DLG2: variants seen among roughly 807,000 people sequenced by gnomAD.
DLG2 encodes discs large MAGUK scaffold protein 2.
A neutral mutation model predicts 132.5 loss-of-function variants in DLG2; 45 were observed. The ratio of observed to expected loss-of-function variants is 0.34; its 90% confidence interval spans 0.27 to 0.44. The LOEUF is 0.44. Ranked by LOEUF, DLG2 falls within the 20% of genes least tolerant of loss-of-function variation. DLG2 has a pLI of 1.00. For synonymous variants in DLG2, 424 were observed against 419.6 expected, an observed-to-expected ratio of 1.01 and a Z score of -0.13; for missense variants, 1,045 against 1,196.9, an observed-to-expected ratio of 0.87 and a Z score of 1.87.
At chr11:84,228,036 A>G (rs1201183407) in intron 8 of DLG2, among the ~76,000 whole-genome samples, 1 of 152,060 alleles carries the variant, frequency 6.6e-6, no homozygotes, top group East Asian at 1.9e-4. Flanking sequence ...CTGGTGTTAG[A>G]TATATTTAAA....
intron 7 of DLG2, among the ~76,000 whole-genome samples, chr11:84,388,062 G>A (rs1356229633): frequency 6.6e-6 from 1 of 152,046 alleles, no homozygotes; most frequent in Non-Finnish European, 1.5e-5. Flanking sequence ...CTATCTTCTT[G>A]TTGTTCTACA....
intron 3 of DLG2, among the ~76,000 whole-genome samples, chr11:85,498,435 C>A (rs1210302754): frequency 6.6e-6 from 1 of 152,120 alleles, no homozygotes; most frequent in Non-Finnish European, 1.5e-5. Context: ...TAAAGCAAGT[C>A]CTGAGAGACC....
At chr11:84,503,217 T>A (rs1210444557) in intron 7 of DLG2, among the ~76,000 whole-genome samples, 4 of 152,188 alleles carry the variant, frequency 2.6e-5, no homozygotes, top group Non-Finnish European at 2.9e-5. Flanking sequence ...AAGAAAACGC[T>A]CGAAGATAAG....
At chr11:85,499,528 T>G (rs756180755) in intron 3 of DLG2, among the ~76,000 whole-genome samples, 43 of 152,232 alleles carry the variant, frequency 2.8e-4, no homozygotes, top group Admixed American at 1.2e-3. Flanking sequence ...AAAGAGGAAC[T>G]GGTACCATTC....
intron 9 of DLG2, among the ~76,000 whole-genome samples, chr11:84,157,274 T>C (rs1390122856): frequency 2.6e-5 from 4 of 152,168 alleles, no homozygotes; most frequent in Admixed American, 2.0e-4. Flanking sequence ...AAATATTAAA[T>C]ACAAAGGTAC....
intron 7 of DLG2, among the ~76,000 whole-genome samples, chr11:84,468,318 G>C (rs561492969): frequency 6.6e-6 from 1 of 151,480 alleles, no homozygotes; most frequent in East Asian, 2.0e-4. Flanking sequence ...GTGTTAATTG[G>C]ATCTTGTTGG....
At chr11:85,209,229 C>T (rs1005342960) in intron 4 of DLG2, among the ~76,000 whole-genome samples, 3 of 152,096 alleles carry the variant, frequency 2.0e-5, no homozygotes, top group Non-Finnish European at 2.9e-5. Flanking sequence ...GCACTGAATA[C>T]AAATACTTAG....
intron 6 of DLG2, among the ~76,000 whole-genome samples, chr11:84,738,276 T>C (rs2064132529): frequency 6.6e-6 from 1 of 152,058 alleles, no homozygotes; most frequent in Non-Finnish European, 1.5e-5. Flanking sequence ...TTTTTCTTAG[T>C]AGCTACTCTG....
In DLG2 at chr11:85,543,497, T is replaced by G. The variant is rs11821065; in HGVS notation, c.40+55160A>C. Among the ~76,000 whole-genome samples, 1,401 of 152,354 alleles carry G rather than the reference T, an allele frequency of 9.2e-3. 19 individuals are homozygous for G. The highest frequency in any genetic ancestry group is 0.03 in the African/African-American group (1,251 of 41,584). ...AATGATTTATAATCCTTTGGGTATA[T>G]ACCCAATAATGGGATTGTCGGGTCA... On this transcript the variant is annotated intron_variant, in intron 3 of 27. Coordinates refer to ENST00000376104, the MANE Select transcript of DLG2 (RefSeq NM_001142699.3).
chr11:84,661,848 A>T (rs893324179), intron 6 of DLG2, among the ~76,000 whole-genome samples: 2 of 152,158 alleles, frequency 1.3e-5, no homozygotes, highest in Non-Finnish European at 2.9e-5. Context: ...ATGTTTATAT[A>T]TTGACCACGT....
chr11:85,023,201 G>A (rs563329900), intron 6 of DLG2, among the ~76,000 whole-genome samples: 3 of 151,912 alleles, frequency 2.0e-5, no homozygotes, highest in Non-Finnish European at 1.5e-5. Context: ...AAAAATCTTA[G>A]AATGAGGTAA....
chr11:84,310,435 T>G (rs1285325812), intron 7 of DLG2, among the ~76,000 whole-genome samples: 1 of 152,220 alleles, frequency 6.6e-6, no homozygotes, highest in African/African-American at 2.4e-5. Context: ...TCTCACACAT[T>G]GTGAACATGG....
At position 84,576,322 on chromosome 11, in the gene DLG2, A is replaced by G. The variant is rs533647495; in HGVS notation, c.358-41591T>C. On this transcript the variant is annotated intron_variant, in intron 6 of 27. Transcript: ENST00000376104. ...TCTACCTATCTGTATCTATTTATCA[A>G]TCTTTCTCTATAAAGAATGAATGAA... is the stretch of plus-strand genomic sequence containing the variant. Among the ~76,000 whole-genome samples the G allele has an allele frequency of 9.8e-5, 15 of 152,298 alleles. No individual in the cohort carries two copies. The South Asian group carries it at 2.1e-3, about 21-fold the overall frequency.
intron 14 of DLG2, among the ~76,000 whole-genome samples, chr11:83,953,932 T>G (rs905205912): frequency 3.9e-5 from 6 of 152,126 alleles, no homozygotes; most frequent in African/African-American, 1.4e-4. Flanking sequence ...ATCAATGAAC[T>G]AAAGAATGAA....
intron 6 of DLG2, among the ~76,000 whole-genome samples, chr11:84,669,963 A>C (rs1436475875): frequency 1.3e-5 from 2 of 152,174 alleles, no homozygotes; most frequent in African/African-American, 4.8e-5. Flanking sequence ...ATACAAAGGC[A>C]CTGAGGTGCA....
At chr11:84,244,482 C>A (rs2097276495) in intron 8 of DLG2, among the ~76,000 whole-genome samples, 1 of 152,158 alleles carries the variant, frequency 6.6e-6, no homozygotes, top group African/African-American at 2.4e-5. Context: ...CCACCTCTTG[C>A]TTATAAAGCA....
At chr11:84,658,695 GCT>G (rs927154193) in intron 6 of DLG2, among the ~76,000 whole-genome samples, 28 of 152,046 alleles carry the variant, frequency 1.8e-4, no homozygotes, top group Admixed American at 1.2e-3. Flanking sequence ...CCTCTCTCTT[GCT>G]CTCTCTCTGG....
At chr11:85,323,502 G>A (rs973332309) in intron 3 of DLG2, among the ~76,000 whole-genome samples, 3 of 152,108 alleles carry the variant, frequency 2.0e-5, no homozygotes, top group Non-Finnish European at 4.4e-5. Flanking sequence ...TTTGTGTTGG[G>A]AACATTCCAA....
intron 3 of DLG2, among the ~76,000 whole-genome samples, chr11:85,495,829 C>T (rs759664236): frequency 1.3e-5 from 2 of 152,132 alleles, no homozygotes; most frequent in Non-Finnish European, 2.9e-5. Flanking sequence ...GACATGCACA[C>T]TTATGTTTAT....
Sources: gnomAD v4.1 joint callset for allele counts (sites outside exome capture counted in the v4.1 genomes callset) on GRCh38, gnomAD v4.1.1 for gene constraint, MANE v1.5 for transcripts, NCBI Gene and HGNC (gene_info 2026-07-23, HGNC 2026-07-21) for gene names.